Variants in ASTN1 observed in about 807,000 individuals in gnomAD.
ASTN1 encodes the protein astrotactin-1.
In ASTN1, 41 loss-of-function variants were observed where a neutral mutation model predicts 140.7. The observed-to-expected ratio is 0.29, with a 90% CI of 0.23 to 0.38. The LOEUF is 0.38. Among genes scored for constraint, ASTN1 ranks in the 10% least tolerant of loss-of-function variants. The pLI, the probability that ASTN1 is intolerant of heterozygous loss-of-function variation, is 1.00. For missense variants in ASTN1, 1,479 were observed against 1,678.8 expected (o/e 0.88, Z 2.08); for synonymous variants, 640 against 652.2 (o/e 0.98, Z 0.29).
chr1:177,088,852 C>T (rs1679601382), intron 1 of ASTN1, among the ~76,000 whole-genome samples: 1 of 151,876 alleles, frequency 6.6e-6, no homozygotes, highest in Non-Finnish European at 1.5e-5. Context: ...TTCTTTCCTC[C>T]CTTCCTTTTC....
At chr1:177,027,699 G>A (rs868266446) in intron 5 of ASTN1, among the ~76,000 whole-genome samples, 47 of 146,326 alleles carry the variant, frequency 3.2e-4, no homozygotes, top group African/African-American at 1.1e-3. Flanking sequence ...CTCCTCTTTT[G>A]AGAAACCCAG....
chr1:177,029,609 C>T (rs1242797660), intron 5 of ASTN1, 25 bp downstream of exon 5: 2 of 1,607,190 alleles, frequency 1.2e-6, no homozygotes, highest in Non-Finnish European at 1.7e-6. Context: ...CCTTTACCAC[C>T]TTCTGCCACC....
chr1:177,157,779 T>C (rs1199623514), intron 1 of ASTN1, among the ~76,000 whole-genome samples: 1 of 152,236 alleles, frequency 6.6e-6, no homozygotes, highest in Admixed American at 6.5e-5. Context: ...TTTTGTTTTC[T>C]TGCTTTTCAT....
In ASTN1 at chr1:177,035,487, A is replaced by G. The variant is rs548990900; in HGVS notation, c.472-2638T>C. On this transcript the variant is annotated intron_variant, in intron 2 of 22. Transcript: ENST00000361833. ...TCAAAGGAGGAGCTATCATAAACAA[A>G]CGACCTTTAGTAAGCACCTACTAAG... 3.9e-5 allele frequency among the ~76,000 whole-genome samples: 6 copies of G among 152,356 alleles called. No individual in the cohort carries two copies. The East Asian group carries it at 1.2e-3, about 29-fold the overall frequency.
At chr1:176,973,300 C>G (rs1673221226) in intron 8 of ASTN1, among the ~76,000 whole-genome samples, 1 of 152,120 alleles carries the variant, frequency 6.6e-6, no homozygotes, top group Non-Finnish European at 1.5e-5. Flanking sequence ...CGACCTTCAC[C>G]CACCTCATGT....
At chr1:176,881,489 T>G (rs527267875) in intron 20 of ASTN1, among the ~76,000 whole-genome samples, 1 of 152,306 alleles carries the variant, frequency 6.6e-6, no homozygotes, top group East Asian at 1.9e-4. Context: ...GAGCCTTTAC[T>G]ATAAATGATA....
rs1667996568 is a variant in ASTN1 at position 176,862,318 on chromosome 1, C to A, written c.*1966G>T. 1 of 985,492 alleles carries A rather than the reference C, an allele frequency of 1.0e-6. No individual in the cohort carries two copies. Among genetic ancestry groups the A allele is most frequent in the East Asian group, 1.1e-4 (1 of 8,808 alleles). 61.0% of individuals were successfully genotyped at this position (985,492 alleles called of 1,614,324 possible). ...AGAGTGAAACCACCCTGTGCTTTATCTCAGCCTCATCACAGGCTTCCTTCC... is the reference window on the plus strand; with the variant it reads ...AGAGTGAAACCACCCTGTGCTTTATATCAGCCTCATCACAGGCTTCCTTCC... On this transcript the variant is annotated 3_prime_UTR_variant, in exon 23 of 23. Coordinates refer to ENST00000361833, the MANE Select transcript of ASTN1 (RefSeq NM_004319.3).
chr1:176,865,567 A>T (rs1668102282), intron 22 of ASTN1, among the ~76,000 whole-genome samples: 1 of 152,234 alleles, frequency 6.6e-6, no homozygotes. Context: ...AGACACTCTC[A>T]TTTGAACAAG....
chr1:176,992,852 G>A (rs1013306588), intron 8 of ASTN1, among the ~76,000 whole-genome samples: 1 of 152,084 alleles, frequency 6.6e-6, no homozygotes, highest in Non-Finnish European at 1.5e-5. Flanking sequence ...TGTCACCCCC[G>A]AAACTCCACC....
At chr1:176,968,753 T>G (rs887700526) in intron 8 of ASTN1, among the ~76,000 whole-genome samples, 1 of 152,118 alleles carries the variant, frequency 6.6e-6, no homozygotes, top group Non-Finnish European at 1.5e-5. Context: ...GCAACAGGAA[T>G]TGGGATAAAG....
intron 18 of ASTN1, among the ~76,000 whole-genome samples, chr1:176,885,672 C>T (rs1669005006): frequency 6.6e-6 from 1 of 152,256 alleles, no homozygotes; most frequent in South Asian, 2.1e-4. Flanking sequence ...ATGAATGACA[C>T]CAAACCATCT....
At chr1:177,159,450 C>T (rs913161256) in intron 1 of ASTN1, among the ~76,000 whole-genome samples, 2 of 152,198 alleles carry the variant, frequency 1.3e-5, no homozygotes, top group South Asian at 4.1e-4. Context: ...AGTTTCCCCT[C>T]AAATGGGAAG....
intron 16 of ASTN1, 37 bp from the exon 17 acceptor site, chr1:176,894,867 C>A (rs374554655): frequency 1.9e-6 from 3 of 1,607,004 alleles, no homozygotes; most frequent in African/African-American, 1.3e-5. Flanking sequence ...GTGAAGGAGT[C>A]AAAAAAGTAA....
chr1:176,960,075 ACTTCATCTGGTAAGAT>A (rs1256166902), intron 9 of ASTN1, among the ~76,000 whole-genome samples: 2 of 152,136 alleles, frequency 1.3e-5, no homozygotes, highest in Non-Finnish European at 2.9e-5. Flanking sequence ...ACAGTTACAC[ACTTCATCTGGTAAGAT>A]TAAGGAGCCC....
At chr1:177,011,819 C>G (rs948690270) in intron 8 of ASTN1, among the ~76,000 whole-genome samples, 11 of 152,188 alleles carry the variant, frequency 7.2e-5, no homozygotes, top group African/African-American at 2.4e-4. Context: ...GGTGCCACTC[C>G]TCCACCTCAA....
intron 1 of ASTN1, among the ~76,000 whole-genome samples, chr1:177,113,031 T>G (rs1456434446): frequency 6.6e-6 from 1 of 152,152 alleles, no homozygotes; most frequent in Non-Finnish European, 1.5e-5. Context: ...AAAAGAAACA[T>G]AAGCATGCAC....
chr1:176,872,948 C>T (rs1668410028), intron 21 of ASTN1, among the ~76,000 whole-genome samples: 1 of 152,150 alleles, frequency 6.6e-6, no homozygotes, highest in African/African-American at 2.4e-5. Context: ...TACTGTTTTG[C>T]TGTTGTTGGT....
intron 11 of ASTN1, among the ~76,000 whole-genome samples, chr1:176,950,261 T>A (rs1350821855): frequency 6.6e-6 from 1 of 152,130 alleles, no homozygotes; most frequent in South Asian, 2.1e-4. Context: ...AGTATGATCA[T>A]CCCCATTTTG....
intron 1 of ASTN1, among the ~76,000 whole-genome samples, chr1:177,142,963 G>C (rs1682543642): frequency 6.6e-6 from 1 of 152,000 alleles, no homozygotes; most frequent in African/African-American, 2.4e-5. Context: ...TTTGAGTCCT[G>C]AGTGAGGAGG....
Sources: allele counts gnomAD v4.1 joint callset (sites outside exome capture counted in the v4.1 genomes callset), GRCh38; gene constraint gnomAD v4.1.1; transcripts MANE v1.5; gene names NCBI Gene and HGNC (gene_info 2026-07-23, HGNC 2026-07-21).